KLF12: variants seen among roughly 807,000 people sequenced by gnomAD.
KLF12 encodes Krueppel-like factor 12.
KLF12 carries 9 observed loss-of-function variants against 37.8 expected under a neutral mutation model. That is an observed-to-expected ratio of 0.24 (90% CI 0.14 to 0.42). The LOEUF (loss-of-function observed/expected upper bound fraction) is 0.42. Ranked by LOEUF, KLF12 falls within the 10% of genes least tolerant of loss-of-function variation. The pLI, the probability that KLF12 is intolerant of heterozygous loss-of-function variation, is 1.00. For missense variants in KLF12, 411 were observed against 516.0 expected (o/e 0.80, Z 1.97); for synonymous variants, 208 against 202.1 (o/e 1.03, Z -0.25).
chr13:73,897,810 T>A (rs1393356687), intron 3 of KLF12, among the ~76,000 whole-genome samples: 1 of 152,246 alleles, frequency 6.6e-6, no homozygotes, highest in African/African-American at 2.4e-5. Flanking sequence ...AATCTAATGA[T>A]GCAATGCCTC....
At chr13:74,271,028 A>G in the KLF12 span, among the ~76,000 whole-genome samples, 4 of 152,252 alleles carry the variant, frequency 2.6e-5, no homozygotes, top group Admixed American at 6.5e-5. Context: ...AGTGTGCATT[A>G]CTGCCTGAGC....
chr13:74,179,934 T>C, the KLF12 span, among the ~76,000 whole-genome samples: 2 of 152,212 alleles, frequency 1.3e-5, no homozygotes, highest in African/African-American at 4.8e-5. Context: ...TTCTTACCCA[T>C]TTTGGGAAGA....
chr13:73,948,213 C>T (rs1890513511), intron 2 of KLF12, among the ~76,000 whole-genome samples: 1 of 151,618 alleles, frequency 6.6e-6, no homozygotes, highest in African/African-American at 2.4e-5. Flanking sequence ...GGTTGGGACA[C>T]TTTCATAGCA....
intron 3 of KLF12, among the ~76,000 whole-genome samples, chr13:73,865,177 T>C (rs1457214107): frequency 6.6e-6 from 1 of 152,118 alleles, no homozygotes; most frequent in Non-Finnish European, 1.5e-5. Flanking sequence ...AGTAGCTCTA[T>C]AATCACATTA....
chr13:73,997,477 A>G (rs1046639862), intron 1 of KLF12, among the ~76,000 whole-genome samples: 11 of 152,208 alleles, frequency 7.2e-5, no homozygotes, highest in African/African-American at 2.7e-4. Context: ...AATAAAAAAG[A>G]TTTCTCTAAA....
the KLF12 span, among the ~76,000 whole-genome samples, chr13:74,174,133 A>G: frequency 0.11 from 16,193 of 152,106 alleles, 942 homozygotes; most frequent in South Asian, 0.15. Context: ...ATTTAAAACA[A>G]TAACCTCAGG....
chr13:74,251,949 T>G, the KLF12 span, among the ~76,000 whole-genome samples: 1 of 151,986 alleles, frequency 6.6e-6, no homozygotes, highest in Non-Finnish European at 1.5e-5. Context: ...GCTGAGTCAG[T>G]TTTTGGTGCC....
At chr13:74,135,551 C>G (rs1678788915), upstream of KLF12, among the ~76,000 whole-genome samples, 1 of 150,612 alleles carries the variant, frequency 6.6e-6, no homozygotes, top group Non-Finnish European at 1.5e-5. Context: ...AGCGCCGAGC[C>G]GGAGGGTCGG....
the KLF12 span, among the ~76,000 whole-genome samples, chr13:74,267,911 G>T: frequency 6.6e-6 from 1 of 152,136 alleles, no homozygotes; most frequent in East Asian, 1.9e-4. Context: ...GAGACACAGA[G>T]AAGGCCATGT....
upstream of KLF12, among the ~76,000 whole-genome samples, chr13:74,135,193 C>G (rs1205898915): frequency 6.6e-6 from 1 of 152,006 alleles, no homozygotes; most frequent in African/African-American, 2.4e-5. Flanking sequence ...GGGGGCGAGG[C>G]GGAGATGCGC....
chr13:74,105,617 T>C (rs866896178), intron 1 of KLF12, among the ~76,000 whole-genome samples: 1 of 152,174 alleles, frequency 6.6e-6, no homozygotes, highest in African/African-American at 2.4e-5. Flanking sequence ...GGTAATGGGA[T>C]GCACAGGCTG....
At chr13:73,947,394 T>TAATC (rs1566476850) in intron 2 of KLF12, among the ~76,000 whole-genome samples, 1 of 152,150 alleles carries the variant, frequency 6.6e-6, no homozygotes, top group Admixed American at 6.5e-5. Context: ...CTCACTCTTG[T>TAATC]AATCACAACA....
chr13:73,774,758 C>T (rs981048731), intron 5 of KLF12, among the ~76,000 whole-genome samples: 1 of 152,078 alleles, frequency 6.6e-6, no homozygotes, highest in Non-Finnish European at 1.5e-5. Flanking sequence ...ATAATATAAG[C>T]AATACAGATC....
In KLF12 at chr13:73,849,375, T is replaced by TAAAAA. The variant is rs574332239; in HGVS notation, c.124-3007_124-3003dup. ...GCTTGGGCAACAGAGGGAGACTCCA[T>TAAAAA]AAAAAAAAAAAAAAAAAAAAAAAAA... On this transcript the variant is annotated intron_variant, in intron 3 of 7. Coordinates refer to ENST00000377669, the MANE Select transcript of KLF12 (RefSeq NM_007249.5). 5.4e-4 allele frequency among the ~76,000 whole-genome samples: 53 copies of TAAAAA among 98,968 alleles called. 4 individuals are homozygous for TAAAAA. The highest frequency in any genetic ancestry group is 2.1e-3 in the African/African-American group (44 of 20,792). 64.9% of individuals were successfully genotyped at this position (98,968 alleles called of 152,430 possible).
At chr13:74,045,464 G>C (rs1186023545) in intron 1 of KLF12, among the ~76,000 whole-genome samples, 1 of 152,082 alleles carries the variant, frequency 6.6e-6, no homozygotes, top group Non-Finnish European at 1.5e-5. Context: ...TCACAGCCAA[G>C]AGGAGTCAGA....
chr13:74,179,183 C>A, the KLF12 span, among the ~76,000 whole-genome samples: 2 of 152,104 alleles, frequency 1.3e-5, no homozygotes, highest in African/African-American at 4.8e-5. Flanking sequence ...GACCACAGGC[C>A]TTTGGTTATA....
chr13:73,756,732 T>C (rs1879192909), intron 6 of KLF12, among the ~76,000 whole-genome samples: 7 of 152,124 alleles, frequency 4.6e-5, no homozygotes, highest in African/African-American at 2.4e-5. Flanking sequence ...ATCTCATCTT[T>C]GTAGGATTGT....
intron 4 of KLF12, among the ~76,000 whole-genome samples, chr13:73,828,931 T>C (rs111488815): frequency 0.021 from 3,214 of 152,306 alleles, 74 homozygotes; most frequent in Non-Finnish European, 0.034. Flanking sequence ...CTTTCCTCCA[T>C]TGTTACACAG....
chr13:74,170,355 A>C, the KLF12 span, among the ~76,000 whole-genome samples: 4 of 152,212 alleles, frequency 2.6e-5, no homozygotes, highest in Admixed American at 2.6e-4. Flanking sequence ...CAATTTATAA[A>C]GGCTTTTATA....
Sources: allele counts gnomAD v4.1 joint callset (sites outside exome capture counted in the v4.1 genomes callset), GRCh38; gene constraint gnomAD v4.1.1; transcripts MANE v1.5; gene names NCBI Gene and HGNC (gene_info 2026-07-23, HGNC 2026-07-21).